The following CIZ1 variants were observed in gnomAD, a reference collection of about 807,000 sequenced individuals.
CIZ1 encodes the protein cip1-interacting zinc finger protein.
A neutral mutation model predicts 118.6 loss-of-function variants in CIZ1; 58 were observed. That is an observed-to-expected ratio of 0.49 (90% CI 0.40 to 0.61). The LOEUF is 0.61. Among genes scored for constraint, CIZ1 ranks in the 20% least tolerant of loss-of-function variants. The probability of loss-of-function intolerance (pLI) is 0.00; values close to 1 mark genes in which losing one functional copy is unlikely to be tolerated. For missense variants in CIZ1, 921 were observed against 1,115.9 expected (o/e 0.83, Z 2.49); for synonymous variants, 448 against 443.4 (o/e 1.01, Z -0.13).
chr9:128,170,055 C>A lies in CIZ1; in HGVS notation c.1996G>T (p.Asp666Tyr), dbSNP rs773181568. 8.1e-6 allele frequency: 13 copies of A among 1,613,986 alleles called. No homozygotes were observed. Among genetic ancestry groups the A allele is most frequent in the South Asian group, 4.4e-5 (4 of 91,076 alleles). ...CNTCQLYYMGDLIQHRRTQDH... is the reference protein window; with the variant it reads ...CNTCQLYYMGYLIQHRRTQDH... Reference sequence around the variant, plus strand: ...TGTGTCCTGCGGTGTTGGATCAGGTCCCCCATGTAGTAGAGCTGGCAGGTG... The same window carrying A: ...TGTGTCCTGCGGTGTTGGATCAGGTACCCCATGTAGTAGAGCTGGCAGGTG... The change falls in exon 12 of 17, where the codon GAC becomes TAC. Residue 666 changes from aspartate (D) to tyrosine (Y), a missense_variant. Asp to Tyr is a radical substitution (Grantham distance 160). Transcript: ENST00000372938.
At chr9:128,176,742 C>T (rs113774358) in intron 10 of CIZ1, among the ~76,000 whole-genome samples, 1 of 152,156 alleles carries the variant, frequency 6.6e-6, no homozygotes, top group Admixed American at 6.5e-5. Context: ...AAGGCTGTGC[C>T]AGGTGAGGCA....
Position 128,191,183 on chromosome 9 carries a change from C to A in CIZ1, c.-6+249G>T, listed in dbSNP as rs138166288. 4.0e-3 allele frequency: 1,744 copies of A among 441,012 alleles called. 4 individuals carry two copies. The highest frequency in any genetic ancestry group is 6.8e-3 in the Admixed American group (174 of 25,438). 27.3% of individuals were successfully genotyped at this position (441,012 alleles called of 1,614,324 possible). On this transcript the variant is annotated intron_variant, in intron 1 of 16. Coordinates refer to ENST00000372938, the MANE Select transcript of CIZ1 (RefSeq NM_001131016.2). This position sits in a 1 kb window ranked among gnomAD's most constrained non-coding sequence, Gnocchi z 5.5. ...CACCCTCAGCCTCAGCCTCTCTCTG[C>A]GCCCATCACTTCCTCACTCACAGCC...
intron 12 of CIZ1, 129 bp from the exon 13 acceptor site, chr9:128,169,648 C>A (rs1035739679): frequency 6.7e-5 from 103 of 1,543,578 alleles, no homozygotes; most frequent in Non-Finnish European, 8.0e-5. Context: ...CCGGGCTGTG[C>A]TCCACCCCTG....
intron 4 of CIZ1, among the ~76,000 whole-genome samples, chr9:128,187,350 G>C (rs1810948083): frequency 6.6e-6 from 1 of 152,242 alleles, no homozygotes; most frequent in African/African-American, 2.4e-5. Flanking sequence ...TCTTGCCCCA[G>C]TGCTGGGATG....
intron 3 of CIZ1, among the ~76,000 whole-genome samples, chr9:128,190,011 G>A (rs931592828): frequency 2.0e-5 from 3 of 152,182 alleles, no homozygotes; most frequent in Non-Finnish European, 4.4e-5. Context: ...CACTGCTGAT[G>A]CAGGGCAAAT....
At chr9:128,185,966 G>A (rs1213797357) in intron 4 of CIZ1, among the ~76,000 whole-genome samples, 190 bp from the exon 5 acceptor site, 1 of 152,176 alleles carries the variant, frequency 6.6e-6, no homozygotes, top group Non-Finnish European at 1.5e-5. Context: ...TGATGGTGAA[G>A]GAAGCTTTAG....
intron 11 of CIZ1, among the ~76,000 whole-genome samples, chr9:128,172,225 G>T (rs1007763477): frequency 6.6e-6 from 1 of 151,726 alleles, no homozygotes; most frequent in Admixed American, 6.6e-5. Context: ...GGGCATGGTG[G>T]CTCACGCCTG....
chr9:128,186,235 G>T (rs1363433340), intron 4 of CIZ1, among the ~76,000 whole-genome samples: 1 of 151,974 alleles, frequency 6.6e-6, no homozygotes, highest in Admixed American at 6.6e-5. Context: ...CAGTCCCTCG[G>T]CCCAGCAGGT....
rs769848136 is a variant in CIZ1 at position 128,179,253 on chromosome 9, G to A, written c.954C>T (p.Val318=). 7 of 1,614,046 alleles carry A rather than the reference G, an allele frequency of 4.3e-6. No homozygotes were observed. The highest frequency in any genetic ancestry group is 5.1e-6 in the Non-Finnish European group (6 of 1,180,048). Residue 318 remains valine (V), a synonymous_variant, in exon 8 of 17, where the codon GTC becomes GTT. Coordinates refer to ENST00000372938, the MANE Select transcript of CIZ1 (RefSeq NM_001131016.2). ...GAGTCTGTGACTGCACCTGGGCCTGGACCTGCAGGACCCGTGGCTGGAATC... is the reference window on the plus strand; with the variant it reads ...GAGTCTGTGACTGCACCTGGGCCTGAACCTGCAGGACCCGTGGCTGGAATC... ...LPRFQPRVLQ[V]QAQVQSQTQP...
At chr9:128,184,790 C>T (rs1261519408) in intron 5 of CIZ1, among the ~76,000 whole-genome samples, 2 of 152,200 alleles carry the variant, frequency 1.3e-5, no homozygotes, top group East Asian at 3.9e-4. Context: ...GCCTCAGCCT[C>T]CTGAGTAGCC....
chr9:128,203,738 C>T lies in CIZ1; in HGVS notation c.-6+448G>A, dbSNP rs1056979334. ...GACCTCGCAGCCCCCGACGCTGCAC[C>T]CGCGGCCGGCGCGCCCCCCACCCCC... On this transcript the variant is annotated intron_variant, in intron 1 of 17. Coordinates refer to the CIZ1 transcript ENST00000372948. The surrounding 1 kb of genome is among the most constrained non-coding windows in gnomAD (Gnocchi z 5.3). The T allele has an allele frequency of 9.1e-7, 1 of 1,096,426 alleles. No individual in the cohort carries two copies. The highest frequency in any genetic ancestry group is 1.2e-6 in the Non-Finnish European group (1 of 864,182). 67.9% of individuals were successfully genotyped at this position (1,096,426 alleles called of 1,614,324 possible).
intron 5 of CIZ1, among the ~76,000 whole-genome samples, chr9:128,183,019 A>G (rs10987911): frequency 0.27 from 41,553 of 152,006 alleles, 6,059 homozygotes; most frequent in Non-Finnish European, 0.32. Context: ...GGGCCAGGCC[A>G]GATGTATCAT....
intron 3 of CIZ1, among the ~76,000 whole-genome samples, chr9:128,189,165 G>C (rs1291940241): frequency 6.6e-6 from 1 of 151,910 alleles, no homozygotes; most frequent in East Asian, 2.0e-4. Flanking sequence ...TCGAACTCCT[G>C]GACTCATGTG....
chr9:128,188,179 C>T (rs1366787636), intron 3 of CIZ1, among the ~76,000 whole-genome samples: 1 of 148,812 alleles, frequency 6.7e-6, no homozygotes, highest in Non-Finnish European at 1.5e-5. Flanking sequence ...AGGCATAGCC[C>T]TCTGGTGCAA....
At chr9:128,178,582 G>T in intron 8 of CIZ1, 92 bp from the exon 9 acceptor site, 1 of 1,599,060 alleles carries the variant, frequency 6.3e-7, no homozygotes. Context: ...CCCCCAGCAT[G>T]GATGGCCCTG....
At chr9:128,168,107 C>G (rs1209035717) in intron 14 of CIZ1, among the ~76,000 whole-genome samples, 1 of 152,272 alleles carries the variant, frequency 6.6e-6, no homozygotes, top group African/African-American at 2.4e-5. Flanking sequence ...CCTCACCACC[C>G]TGGACTATAA....
chr9:128,172,172 A>AAAAG (rs1830221387), intron 11 of CIZ1, among the ~76,000 whole-genome samples: 6 of 121,340 alleles, frequency 4.9e-5, no homozygotes, highest in South Asian at 2.5e-4. Context: ...AAAAAAAAAA[A>AAAAG]AAAAAGAAAA....
At chr9:128,173,147 T>C (rs1439033978) in intron 11 of CIZ1, among the ~76,000 whole-genome samples, 2 of 138,940 alleles carry the variant, frequency 1.4e-5, no homozygotes, top group African/African-American at 2.7e-5. Flanking sequence ...TTTTTTTTTT[T>C]TTTTTTTTTT....
intron 11 of CIZ1, among the ~76,000 whole-genome samples, chr9:128,173,084 C>T (rs1006365846): frequency 1.3e-5 from 2 of 151,674 alleles, no homozygotes; most frequent in Non-Finnish European, 2.9e-5. Context: ...CCCACCTCAG[C>T]CTCCTAAGTA....
Sources: allele counts gnomAD v4.1 joint callset (sites outside exome capture counted in the v4.1 genomes callset), GRCh38; gene constraint gnomAD v4.1.1; non-coding constraint Gnocchi (gnomAD v3.1); transcripts MANE v1.5; gene names NCBI Gene and HGNC (gene_info 2026-07-23, HGNC 2026-07-21).